Variants in MSH3 observed in about 807,000 individuals in gnomAD.
MSH3 encodes the protein DNA mismatch repair protein Msh3.
MSH3 carries 106 observed loss-of-function variants against 123.3 expected under a neutral mutation model. The ratio of observed to expected loss-of-function variants is 0.86; its 90% CI spans 0.73 to 1.01. MSH3 has a LOEUF of 1.01. Ranked by LOEUF, MSH3 falls within the 50% of genes least tolerant of loss-of-function variation. The pLI, the probability that MSH3 is intolerant of heterozygous loss-of-function variation, is 0.00. For synonymous variants in MSH3, 515 were observed against 481.4 expected (o/e 1.07, Z -0.91); for missense variants, 1,459 against 1,347.6 (o/e 1.08, Z -1.29).
intron 20 of MSH3, among the ~76,000 whole-genome samples, chr5:80,844,522 G>C (rs1184775970): frequency 6.6e-6 from 1 of 152,118 alleles, no homozygotes; most frequent in Non-Finnish European, 1.5e-5. Flanking sequence ...CATTATTATT[G>C]TGTGGGAGTC....
intron 19 of MSH3, among the ~76,000 whole-genome samples, chr5:80,793,543 C>G (rs1744645153): frequency 6.6e-6 from 1 of 152,010 alleles, no homozygotes; most frequent in Admixed American, 6.6e-5. Context: ...GGAATGTTCC[C>G]CAGGGAGGAG....
intron 8 of MSH3, among the ~76,000 whole-genome samples, chr5:80,706,028 T>G (rs1750716040): frequency 2.6e-5 from 4 of 152,378 alleles, no homozygotes; most frequent in Admixed American, 1.3e-4. Flanking sequence ...CCTGTGGTAG[T>G]TGCACAGTAA....
intron 8 of MSH3, among the ~76,000 whole-genome samples, chr5:80,717,668 A>C (rs1709434369): frequency 6.6e-6 from 1 of 152,228 alleles, no homozygotes; most frequent in Non-Finnish European, 1.5e-5. Flanking sequence ...GTCCTGACCA[A>C]CACTTTTTGT....
chr5:80,676,824 T>C (rs1009594619), intron 7 of MSH3, among the ~76,000 whole-genome samples: 1 of 152,228 alleles, frequency 6.6e-6, no homozygotes, highest in Non-Finnish European at 1.5e-5. Context: ...TAAAACTCCT[T>C]CTAAAGAACA....
At chr5:80,668,350 C>A (rs1422405300) in intron 3 of MSH3, among the ~76,000 whole-genome samples, 1 of 152,262 alleles carries the variant, frequency 6.6e-6, no homozygotes, top group African/African-American at 2.4e-5. Flanking sequence ...TGGGGCTTCA[C>A]CCGGACCTGA....
chr5:80,658,741 G>T (rs1050218981), intron 2 of MSH3, among the ~76,000 whole-genome samples: 4 of 151,872 alleles, frequency 2.6e-5, no homozygotes, highest in Admixed American at 1.3e-4. Flanking sequence ...ACAGGTGCAT[G>T]CCACCATGCC....
chr5:80,728,420 T>C (rs1455130432), intron 9 of MSH3, among the ~76,000 whole-genome samples: 2 of 152,240 alleles, frequency 1.3e-5, no homozygotes, highest in Non-Finnish European at 2.9e-5. Context: ...AACCAGGATT[T>C]ACCCAACTTT....
At chr5:80,785,145 T>A (rs969405718) in intron 17 of MSH3, among the ~76,000 whole-genome samples, 1 of 152,216 alleles carries the variant, frequency 6.6e-6, no homozygotes, top group African/African-American at 2.4e-5. Context: ...AAACAGACTG[T>A]CTCAACATTT....
chr5:80,753,216 C>T (rs1315685402), intron 12 of MSH3, among the ~76,000 whole-genome samples: 1 of 152,148 alleles, frequency 6.6e-6, no homozygotes, highest in East Asian at 1.9e-4. Flanking sequence ...TTTTCCAGCA[C>T]ATCTTGCATT....
chr5:80,730,494 G>T (rs1453178641), intron 10 of MSH3, among the ~76,000 whole-genome samples: 1 of 152,068 alleles, frequency 6.6e-6, no homozygotes, highest in African/African-American at 2.4e-5. Flanking sequence ...CTGAATGTGG[G>T]TATTGTATTA....
rs563352717 is a variant in MSH3, at chr5:80,848,553, C to T, written c.2814-5577C>T. The stretch of plus-strand genomic sequence containing the variant: ...TTACAGTTCCACATGGCTGGGAAGG[C>T]CTCACAATCATGGCAGAAGGCAAGG... On this transcript the variant is annotated intron_variant, in intron 20 of 23. Coordinates refer to ENST00000265081, the MANE Select transcript of MSH3 (RefSeq NM_002439.5). Among the ~76,000 whole-genome samples, 8 of 152,316 alleles carry T rather than the reference C, an allele frequency of 5.3e-5. No individual in the cohort carries two copies. In the East Asian group the frequency reaches 1.5e-3, roughly 29 times the overall value.
chr5:80,851,898 A>G (rs1271106163), intron 20 of MSH3, among the ~76,000 whole-genome samples: 2 of 152,192 alleles, frequency 1.3e-5, no homozygotes, highest in Non-Finnish European at 2.9e-5. Context: ...TTTTTTATAA[A>G]TATGTGTGTG....
intron 20 of MSH3, among the ~76,000 whole-genome samples, chr5:80,817,908 C>CA (rs994134368): frequency 2.0e-5 from 3 of 151,540 alleles, no homozygotes; most frequent in African/African-American, 7.3e-5. Flanking sequence ...GTCTTCTGGC[C>CA]AAAAAAAATC....
intron 14 of MSH3, 40 bp from the exon 15 acceptor site, chr5:80,768,795 A>G (rs1332514404): frequency 1.3e-6 from 2 of 1,519,762 alleles, no homozygotes; most frequent in South Asian, 2.3e-5. Flanking sequence ...GCTGTAATTA[A>G]TAAACTTCGA....
chr5:80,799,542 T>G (rs946005109), intron 19 of MSH3, among the ~76,000 whole-genome samples: 4 of 110,688 alleles, frequency 3.6e-5, no homozygotes, highest in Admixed American at 9.9e-5. Flanking sequence ...TACAGAAAAT[T>G]AGCTTTTCAG....
Position 80,845,213 on chromosome 5 carries a change from G to A in MSH3, c.2814-8917G>A, listed in dbSNP as rs372334557. ...GGGTTGAAAATTCTTTTCTTTAAGAGTGTTGAATATTGGCCCCCACTCTCT... is the reference window on the plus strand; with the variant it reads ...GGGTTGAAAATTCTTTTCTTTAAGAATGTTGAATATTGGCCCCCACTCTCT... On this transcript the variant is annotated intron_variant, in intron 20 of 23. Coordinates refer to ENST00000265081, the MANE Select transcript of MSH3 (RefSeq NM_002439.5). Among the ~76,000 whole-genome samples, 181 of 152,278 alleles carry A rather than the reference G, an allele frequency of 1.2e-3. 1 individual carries two copies. Among genetic ancestry groups the A allele is most frequent in the Middle Eastern group, 6.8e-3 (2 of 294 alleles).
chr5:80,869,432 T>G (rs1463610397), intron 22 of MSH3, among the ~76,000 whole-genome samples: 2 of 152,120 alleles, frequency 1.3e-5, no homozygotes, highest in Non-Finnish European at 2.9e-5. Flanking sequence ...TAAAACAAGT[T>G]TTATTCTCTC....
intron 6 of MSH3, 108 bp downstream of exon 6, chr5:80,672,966 G>T: frequency 1.2e-6 from 1 of 847,874 alleles, no homozygotes; most frequent in Admixed American, 1.7e-5. Flanking sequence ...GAACTTTTTA[G>T]ATGAGCTGAG....
chr5:80,687,677 T>C (rs1314832606), intron 8 of MSH3, among the ~76,000 whole-genome samples: 1 of 152,062 alleles, frequency 6.6e-6, no homozygotes, highest in Non-Finnish European at 1.5e-5. Flanking sequence ...GAGATTTCTC[T>C]GATTAGAGGG....
Sources: allele counts gnomAD v4.1 joint callset (sites outside exome capture counted in the v4.1 genomes callset), GRCh38; gene constraint gnomAD v4.1.1; transcripts MANE v1.5; gene names NCBI Gene and HGNC (gene_info 2026-07-23, HGNC 2026-07-21).